The following CNTN1 variants were observed in gnomAD, a reference collection of about 807,000 sequenced individuals.
The protein encoded by CNTN1 is contactin-1.
A neutral mutation model predicts 126.4 loss-of-function variants in CNTN1; 38 were observed. That is an observed-to-expected ratio of 0.30 (90% CI 0.23 to 0.39). The LOEUF (loss-of-function observed/expected upper bound fraction) is 0.39. CNTN1 is among the 10% of genes least tolerant of loss of function. CNTN1 has a pLI of 1.00. For missense variants in CNTN1, 1,009 were observed against 1,248.4 expected, an observed-to-expected ratio of 0.81 and a Z score of 2.89; for synonymous variants, 413 against 422.6, an observed-to-expected ratio of 0.98 and a Z score of 0.28.
At chr12:41,034,447 T>C (rs1307398849) in intron 23 of CNTN1, among the ~76,000 whole-genome samples, 2 of 152,168 alleles carry the variant, frequency 1.3e-5, no homozygotes, top group Non-Finnish European at 2.9e-5. Flanking sequence ...ACTCCTGTCC[T>C]CCCTTCTCCA....
At chr12:40,991,926 A>G (rs2120493493) in intron 16 of CNTN1, among the ~76,000 whole-genome samples, 1 of 152,280 alleles carries the variant, frequency 6.6e-6, no homozygotes, top group Non-Finnish European at 1.5e-5. Flanking sequence ...CCAAAACTTC[A>G]CTTTACTTCT....
chr12:40,999,489 G>A (rs1178511539), intron 17 of CNTN1, among the ~76,000 whole-genome samples: 1 of 151,938 alleles, frequency 6.6e-6, no homozygotes, highest in Non-Finnish European at 1.5e-5. Context: ...ATTTCTGCAG[G>A]GCTGAGTGCA....
intron 23 of CNTN1, among the ~76,000 whole-genome samples, chr12:41,044,478 A>G (rs141501894): frequency 2.6e-5 from 4 of 152,278 alleles, no homozygotes; most frequent in African/African-American, 9.6e-5. Flanking sequence ...GGATTGGTTT[A>G]CATCATTAAT....
chr12:40,857,437 T>A (rs1223645780), intron 1 of CNTN1, among the ~76,000 whole-genome samples: 1 of 152,012 alleles, frequency 6.6e-6, no homozygotes, highest in Non-Finnish European at 1.5e-5. Flanking sequence ...TTGTGGGCAG[T>A]GGAGATGTCT....
intron 23 of CNTN1, among the ~76,000 whole-genome samples, chr12:41,064,067 G>A (rs1384083930): frequency 2.6e-5 from 4 of 151,978 alleles, no homozygotes; most frequent in African/African-American, 9.6e-5. Flanking sequence ...CCAGCTACTC[G>A]GGAGGCTGAG....
At chr12:40,742,284 T>C (rs1015168365) in intron 1 of CNTN1, 1 of 152,108 alleles carries the variant, frequency 6.6e-6, no homozygotes, top group Non-Finnish European at 1.5e-5. Context: ...TTACAATAGC[T>C]TAAATGGGCT....
At chr12:40,938,742 A>G (rs1452506506) in intron 11 of CNTN1, among the ~76,000 whole-genome samples, 1 of 152,144 alleles carries the variant, frequency 6.6e-6, no homozygotes, top group Non-Finnish European at 1.5e-5. Context: ...AGTTAATTTT[A>G]AGGTAAATGT....
At chr12:40,893,280 T>C (rs986623637) in intron 1 of CNTN1, among the ~76,000 whole-genome samples, 5 of 152,038 alleles carry the variant, frequency 3.3e-5, no homozygotes, top group African/African-American at 1.2e-4. Flanking sequence ...GAATAGAAAT[T>C]TGGACATATC....
At chr12:40,910,478 G>C (rs1315216125) in intron 3 of CNTN1, among the ~76,000 whole-genome samples, 2 of 152,156 alleles carry the variant, frequency 1.3e-5, no homozygotes, top group African/African-American at 4.8e-5. Flanking sequence ...TAAAGTTAGT[G>C]AAATTGGAAT....
chr12:40,702,474 C>A (rs552000980), intron 1 of CNTN1, among the ~76,000 whole-genome samples: 1 of 152,094 alleles, frequency 6.6e-6, no homozygotes, highest in Non-Finnish European at 1.5e-5. Flanking sequence ...GACAGCGTTT[C>A]GCTCTTGTTG....
intron 1 of CNTN1, among the ~76,000 whole-genome samples, chr12:40,720,487 A>G (rs1942173063): frequency 6.6e-6 from 1 of 152,106 alleles, no homozygotes; most frequent in African/African-American, 2.4e-5. Context: ...AGAGTCAAAT[A>G]CCATTTCGTT....
intron 15 of CNTN1, among the ~76,000 whole-genome samples, chr12:40,970,021 C>T (rs998379663): frequency 5.3e-5 from 8 of 152,094 alleles, no homozygotes; most frequent in African/African-American, 1.9e-4. Flanking sequence ...TTGACCCCGC[C>T]CCTCCTTCAC....
intron 1 of CNTN1, among the ~76,000 whole-genome samples, chr12:40,792,807 G>A (rs4768311): frequency 0.51 from 78,191 of 151,962 alleles, 20,688 homozygotes; most frequent in East Asian, 0.66. Flanking sequence ...TTATTCATTT[G>A]TGTATTCATT....
chr12:40,980,463 A>G, intron 15 of CNTN1, among the ~76,000 whole-genome samples: 1 of 149,552 alleles, frequency 6.7e-6, no homozygotes, highest in African/African-American at 2.4e-5. Context: ...AAAAAAAAAA[A>G]AGCCACAAAG....
At chr12:40,822,003 T>C (rs60171128) in intron 1 of CNTN1, among the ~76,000 whole-genome samples, 3,405 of 152,020 alleles carry the variant, frequency 0.022, 123 homozygotes, top group African/African-American at 0.078. Flanking sequence ...GCTTAATAAA[T>C]AGTACTATGT....
At chr12:40,908,651 T>A (rs1405787408) in intron 2 of CNTN1, among the ~76,000 whole-genome samples, 158 bp downstream of exon 2, 1 of 152,222 alleles carries the variant, frequency 6.6e-6, no homozygotes, top group Admixed American at 6.5e-5. Flanking sequence ...ATTTCCTTTT[T>A]AATTTCAATT....
Position 40,946,450 on chromosome 12 carries a change from A to G in CNTN1, c.1683+2280A>G, listed in dbSNP as rs565430985. 6.6e-5 allele frequency among the ~76,000 whole-genome samples: 10 copies of G among 152,230 alleles called. No homozygotes were observed. In the East Asian group the frequency reaches 1.7e-3, roughly 26 times the overall value. ...CATTTGTTCATTAAGAATATGTACT[A>G]AGCACATGCCATAAGCAGACACAGT... On this transcript the variant is annotated intron_variant, in intron 14 of 23. Coordinates refer to ENST00000551295, the MANE Select transcript of CNTN1 (RefSeq NM_001843.4).
intron 1 of CNTN1, among the ~76,000 whole-genome samples, chr12:40,718,506 C>A (rs754896799): frequency 6.6e-6 from 1 of 152,202 alleles, no homozygotes; most frequent in East Asian, 1.9e-4. Context: ...CGATAAGGAA[C>A]CCGAGAGGCT....
intron 5 of CNTN1, 117 bp from the exon 6 acceptor site, chr12:40,924,440 C>T (rs1945559683): frequency 1.5e-6 from 1 of 688,996 alleles, no homozygotes; most frequent in African/African-American, 1.8e-5. Flanking sequence ...CTTCACCAAA[C>T]CACTGAGAAG....
Sources: allele counts gnomAD v4.1 joint callset (sites outside exome capture counted in the v4.1 genomes callset), GRCh38; gene constraint gnomAD v4.1.1; transcripts MANE v1.5; gene names NCBI Gene and HGNC (gene_info 2026-07-23, HGNC 2026-07-21).